Variants in CLCN5 observed in about 807,000 individuals in gnomAD.
The protein encoded by CLCN5 is H(+)/Cl(-) exchange transporter 5.
CLCN5 carries 17 observed loss-of-function variants against 54.0 expected under a neutral mutation model. That is an observed-to-expected ratio of 0.31 (90% CI 0.22 to 0.47). The LOEUF is 0.47. CLCN5 is among the 20% of genes least tolerant of loss of function. The probability of loss-of-function intolerance (pLI) is 1.00; values close to 1 mark genes in which losing one functional copy is unlikely to be tolerated. For missense variants in CLCN5, 448 were observed against 646.7 expected, an observed-to-expected ratio of 0.69 and a Z score of 3.33; for synonymous variants, 222 against 233.0, an observed-to-expected ratio of 0.95 and a Z score of 0.43.
intron 3 of CLCN5, among the ~76,000 whole-genome samples, chrX:49,931,297 A>G (rs921683193): frequency 2.7e-4 from 30 of 111,526 alleles, no homozygotes; most frequent in Admixed American, 2.5e-3. Flanking sequence ...ATTTTAATTT[A>G]TGTGTTTGTG....
intron 4 of CLCN5, among the ~76,000 whole-genome samples, chrX:50,049,581 TCA>T (rs1932512620): frequency 8.9e-6 from 1 of 112,303 alleles, no homozygotes; most frequent in African/African-American, 3.2e-5. Flanking sequence ...TTATTCATTT[TCA>T]CAGTTACCTG....
At chrX:50,031,876 C>G (rs782044335) in intron 3 of CLCN5, among the ~76,000 whole-genome samples, 3 of 61,832 alleles carry the variant, frequency 4.9e-5, no homozygotes, top group Admixed American at 2.0e-4. Context: ...CCCCTCCCCC[C>G]ACCCCACAAC....
chrX:49,965,644 T>G (rs1256125261), intron 3 of CLCN5, among the ~76,000 whole-genome samples: 1 of 111,789 alleles, frequency 8.9e-6, no homozygotes, highest in African/African-American at 3.2e-5. Context: ...GAACCTCCGA[T>G]ATAATGTTGA....
At chrX:50,085,413 CT>C in intron 9 of CLCN5, 1 of 122,377 alleles carries the variant, frequency 8.2e-6, no homozygotes, top group East Asian at 2.3e-4. Context: ...TAAGTCTTCC[CT>C]TAAAAATCTA....
At chrX:50,031,262 A>G (rs183224959) in intron 3 of CLCN5, among the ~76,000 whole-genome samples, 5 of 112,026 alleles carry the variant, frequency 4.5e-5, no homozygotes, top group Non-Finnish European at 9.4e-5. Flanking sequence ...ATCTCTCTCT[A>G]TAGGCTGTTA....
In CLCN5 at chrX:50,086,359, G is replaced by A. The variant is rs797044809; in HGVS notation, c.1046G>A (p.Trp349Ter). The change falls in exon 11 of 15, where the codon TGG becomes TAG. Residue 349 changes from tryptophan to a stop codon, truncating the protein, a stop_gained. Coordinates refer to ENST00000376091, the MANE Select transcript of CLCN5 (RefSeq NM_001127898.4). LOFTEE classifies it high-confidence loss of function. Reference sequence around the variant, plus strand: ...TACTATTTTCCCCTCAAAACATTGTGGCGTTCATTCTTTGCTGCCTTGGTG... The same window carrying A: ...TACTATTTTCCCCTCAAAACATTGTAGCGTTCATTCTTTGCTGCCTTGGTG... ...VSYYFPLKTLWRSFFAALVAA... is the reference protein window; with the variant it reads ...VSYYFPLKTL 8.3e-7 allele frequency: 1 copy of A among 1,210,463 alleles called. No homozygotes were observed.
chrX:49,987,851 G>A (rs1163229262), intron 3 of CLCN5, among the ~76,000 whole-genome samples: 1 of 111,502 alleles, frequency 9.0e-6, no homozygotes, highest in African/African-American at 3.3e-5. Context: ...CTGTGCAAGC[G>A]GCTATTTTAA....
chrX:49,943,670 C>T (rs1463612917), intron 3 of CLCN5, among the ~76,000 whole-genome samples: 5 of 110,846 alleles, frequency 4.5e-5, no homozygotes, highest in African/African-American at 1.7e-4. Flanking sequence ...ATCCTTTCCC[C>T]ATTGCTTGTT....
chrX:50,050,280 A>C (rs1932532806), intron 4 of CLCN5: 1 of 111,990 alleles, frequency 8.9e-6, no homozygotes, highest in Non-Finnish European at 1.9e-5. Flanking sequence ...TCATAAAAAA[A>C]AGTGCCACCA....
chrX:50,048,565 A>G (rs977634569), intron 4 of CLCN5, among the ~76,000 whole-genome samples: 2 of 112,403 alleles, frequency 1.8e-5, no homozygotes, highest in Admixed American at 1.9e-4. Context: ...CCATTACTAC[A>G]TTTTGTTGGT....
At chrX:49,952,248 GA>G (rs201440165) in intron 3 of CLCN5, among the ~76,000 whole-genome samples, 51 of 109,826 alleles carry the variant, frequency 4.6e-4, no homozygotes, top group East Asian at 2.6e-3. Flanking sequence ...AACAGTGGGG[GA>G]AAAAAATACT....
At chrX:50,076,242 G>A (rs1389601631) in intron 7 of CLCN5, among the ~76,000 whole-genome samples, 1 of 111,842 alleles carries the variant, frequency 8.9e-6, no homozygotes, top group Non-Finnish European at 1.9e-5. Context: ...TTAGGTACTA[G>A]TACATAGTGT....
chrX:49,976,257 T>A (rs1255258972), intron 3 of CLCN5, among the ~76,000 whole-genome samples: 1 of 112,301 alleles, frequency 8.9e-6, no homozygotes, highest in Non-Finnish European at 1.9e-5. Context: ...TAACAAACCC[T>A]CCAGGGGATT....
At chrX:49,923,187 T>C (rs1401541602) in intron 1 of CLCN5, among the ~76,000 whole-genome samples, 1 of 113,158 alleles carries the variant, frequency 8.8e-6, no homozygotes, top group African/African-American at 3.2e-5. Flanking sequence ...GAGGCCCGGC[T>C]CTTCTCCCTC....
chrX:49,956,987 C>T (rs1557173954), intron 3 of CLCN5, among the ~76,000 whole-genome samples: 1 of 111,694 alleles, frequency 9.0e-6, no homozygotes, highest in Non-Finnish European at 1.9e-5. Context: ...ATATTTACCT[C>T]TCCCCTCTCT....
chrX:50,090,642 A>C, intron 13 of CLCN5, 28 bp from the exon 14 acceptor site: 1 of 1,187,092 alleles, frequency 8.4e-7, no homozygotes, highest in Non-Finnish European at 1.1e-6. Flanking sequence ...GTCCATCTTC[A>C]ATTTGTTTTT....
intron 7 of CLCN5, among the ~76,000 whole-genome samples, chrX:50,079,078 C>T (rs781943280): frequency 9.0e-6 from 1 of 111,641 alleles, no homozygotes; most frequent in Non-Finnish European, 1.9e-5. Context: ...CCGCCTCGGC[C>T]TCCTCTAGGT....
Position 50,098,823 on chromosome X carries a change from C to T in CLCN5, c.*6604C>T, listed in dbSNP as rs1484987726. The T allele has an allele frequency of 8.9e-6, 1 of 112,560 alleles. No homozygotes were observed. Among genetic ancestry groups the T allele is most frequent in the Non-Finnish European group, 1.9e-5 (1 of 53,328 alleles). 9.3% of individuals were successfully genotyped at this position (112,560 alleles called of 1,213,427 possible). ...TGCTCGCTTTATTCTACTCCCTAGT[C>T]ATGCGGAACAACATAGTCTAAAAAG... On this transcript the variant is annotated 3_prime_UTR_variant, in exon 15 of 15. Transcript: ENST00000376091.
At position 50,086,006 on chromosome X, in the gene CLCN5, T is replaced by G; in HGVS notation, c.960T>G (p.Gly320=). 8.3e-7 allele frequency: 1 copy of G among 1,210,435 alleles called. No homozygotes were observed. The highest frequency in any genetic ancestry group is 3.0e-5 in the East Asian group (1 of 33,847). ...TCTTGTCGGCTGCAGCAGCAGCTGG[T>G]GTATCTGTAGCCTTTGGAGCACCTA... ...REVLSAAAAA[G]VSVAFGAPIG... Residue 320 remains glycine, a synonymous_variant, in exon 10 of 15, where the codon GGT becomes GGG. Coordinates refer to ENST00000376091, the MANE Select transcript of CLCN5 (RefSeq NM_001127898.4).
Sources: allele counts gnomAD v4.1 joint callset (sites outside exome capture counted in the v4.1 genomes callset), GRCh38; gene constraint gnomAD v4.1.1; transcripts MANE v1.5; gene names NCBI Gene and HGNC (gene_info 2026-07-23, HGNC 2026-07-21).